The following RAB6A variants were observed in gnomAD, a reference collection of about 807,000 sequenced individuals.
RAB6A encodes the protein RAB6A, member RAS oncogene family.
A neutral mutation model predicts 32.3 loss-of-function variants in RAB6A; 8 were observed. The ratio of observed to expected loss-of-function variants is 0.25; its 90% CI spans 0.15 to 0.45. RAB6A has a LOEUF of 0.45. Among genes scored for constraint, RAB6A ranks in the 20% least tolerant of loss-of-function variants. The probability of loss-of-function intolerance (pLI) is 1.00; values close to 1 mark genes in which losing one functional copy is unlikely to be tolerated. For missense variants in RAB6A, 104 were observed against 249.4 expected (o/e 0.42, Z 3.93); for synonymous variants, 73 against 82.1 (o/e 0.89, Z 0.60).
At chr11:73,697,273 T>C (rs1945669091) in intron 6 of RAB6A, among the ~76,000 whole-genome samples, 1 of 152,168 alleles carries the variant, frequency 6.6e-6, no homozygotes. Flanking sequence ...CAATATATCA[T>C]AATTCCCTTC....
At chr11:73,748,027 C>T (rs1301807476) in intron 1 of RAB6A, among the ~76,000 whole-genome samples, 1 of 152,162 alleles carries the variant, frequency 6.6e-6, no homozygotes, top group Non-Finnish European at 1.5e-5. Context: ...GGGGAAGATA[C>T]TTTGAGATGA....
In RAB6A at chr11:73,747,745, C is replaced by T. The variant is rs1946613628; in HGVS notation, c.70+12821G>A. Among the ~76,000 whole-genome samples, 3 of 152,206 alleles carry T rather than the reference C, an allele frequency of 2.0e-5. No individual in the cohort carries two copies. The South Asian group carries it at 6.2e-4, about 32-fold the overall frequency. ...TTTTCCCTTGTTTTCATGACATGGA[C>T]ACTTTCAAATAATACTTGTCAGTTG... On this transcript the variant is annotated intron_variant, in intron 1 of 7. Coordinates refer to ENST00000336083, the MANE Select transcript of RAB6A (RefSeq NM_198896.2).
At chr11:73,758,593 T>C (rs892041838) in intron 1 of RAB6A, among the ~76,000 whole-genome samples, 21 of 152,190 alleles carry the variant, frequency 1.4e-4, no homozygotes, top group African/African-American at 5.1e-4. Flanking sequence ...CTCTCCATTA[T>C]GCATTAGAAC....
intron 1 of RAB6A, among the ~76,000 whole-genome samples, chr11:73,751,651 G>A (rs545638033): frequency 1.3e-5 from 2 of 152,086 alleles, no homozygotes; most frequent in Non-Finnish European, 2.9e-5. Flanking sequence ...AAAGAAAAAC[G>A]GGGTTTCTGT....
intron 1 of RAB6A, among the ~76,000 whole-genome samples, chr11:73,736,377 C>G (rs1292486985): frequency 6.6e-6 from 1 of 151,606 alleles, no homozygotes; most frequent in Non-Finnish European, 1.5e-5. Context: ...TGCAGTGAGC[C>G]GAGATTGTGC....
intron 2 of RAB6A, 122 bp from the exon 3 acceptor site, chr11:73,721,021 C>T (rs1946126846): frequency 1.5e-6 from 1 of 685,752 alleles, no homozygotes; most frequent in South Asian, 1.8e-5. Context: ...ACAACATAGT[C>T]AATTAAGGAC....
intron 6 of RAB6A, among the ~76,000 whole-genome samples, chr11:73,704,900 G>A (rs1945811536): frequency 6.6e-6 from 1 of 151,818 alleles, no homozygotes; most frequent in African/African-American, 2.4e-5. Flanking sequence ...GGAGGCTGAG[G>A]CAGGAGAATG....
intron 3 of RAB6A, among the ~76,000 whole-genome samples, chr11:73,719,616 ATTT>A (rs768603020): frequency 1.4e-5 from 2 of 143,572 alleles, no homozygotes; most frequent in Non-Finnish European, 3.1e-5. Flanking sequence ...AAGCTTTCAA[ATTT>A]TTTTTTTTTT....
chr11:73,736,977 CAAAA>C (rs535172648), intron 1 of RAB6A, among the ~76,000 whole-genome samples: 1 of 64,948 alleles, frequency 1.5e-5, no homozygotes. Flanking sequence ...GACACTGTCT[CAAAA>C]AAAAAAAAAA....
In RAB6A at chr11:73,730,765, C is replaced by G; in HGVS notation, c.129G>C (p.Gln43His). ...FMYDSFDNTY[Q>H]ATIGIDFLSK... The stretch of plus-strand genomic sequence containing the variant: ...AAATAAATTGGCAAAAACAAAATAC[C>G]TGATAGGTGTTGTCAAAACTGTCAT... Residue 43 changes from glutamine (Q) to histidine (H), a missense_variant and splice_region_variant, in exon 2 of 8, where the codon CAG becomes CAC. Physicochemically the swap from Gln to His is conservative, Grantham distance 24. This residue lies in a region of RAB6A where 48 missense variants were observed against 155.2 expected (regional missense o/e 0.31). Transcript: ENST00000336083. The G allele has an allele frequency of 6.3e-7, 1 of 1,594,778 alleles. No homozygotes were observed. The highest frequency in any genetic ancestry group is 8.5e-7 in the Non-Finnish European group (1 of 1,171,790).
chr11:73,735,847 C>T (rs1028185515), intron 1 of RAB6A, among the ~76,000 whole-genome samples: 6 of 149,490 alleles, frequency 4.0e-5, no homozygotes, highest in East Asian at 2.0e-4. Context: ...TCAAACCTAT[C>T]CCAACCTCAA....
At chr11:73,733,130 C>T (rs949899796) in intron 1 of RAB6A, among the ~76,000 whole-genome samples, 4 of 152,078 alleles carry the variant, frequency 2.6e-5, no homozygotes, top group African/African-American at 9.7e-5. Context: ...TTCTTCATGG[C>T]ATCTGGAAAC....
chr11:73,739,690 T>G (rs1218223017), intron 1 of RAB6A, among the ~76,000 whole-genome samples: 1 of 152,064 alleles, frequency 6.6e-6, no homozygotes, highest in Non-Finnish European at 1.5e-5. Flanking sequence ...AGTGGCAAAG[T>G]AAGTCCTCAC....
chr11:73,698,058 A>G (rs1945682517), intron 6 of RAB6A, among the ~76,000 whole-genome samples: 1 of 151,986 alleles, frequency 6.6e-6, no homozygotes, highest in Admixed American at 6.6e-5. Context: ...CATCTCTACT[A>G]AAAAATACAA....
chr11:73,722,325 ATATATATATATATATATATTTTT>A (rs1482131836), intron 2 of RAB6A: 237 of 17,702 alleles, frequency 0.013, 15 homozygotes, highest in African/African-American at 0.037. Context: ...ATATATATAT[ATATATATATATATATATATTTTT>A]TTTTTTTTTT....
chr11:73,680,876 T>C (rs1342717629), intron 6 of RAB6A, among the ~76,000 whole-genome samples: 1 of 152,180 alleles, frequency 6.6e-6, no homozygotes, highest in Non-Finnish European at 1.5e-5. Context: ...TGAAAAGTTA[T>C]CTTCAACAGG....
intron 6 of RAB6A, among the ~76,000 whole-genome samples, chr11:73,700,403 C>A (rs1324154183): frequency 2.0e-5 from 3 of 152,028 alleles, no homozygotes; most frequent in African/African-American, 7.2e-5. Context: ...GGCAATATAG[C>A]AAGACCCATC....
chr11:73,722,326 TATATATATATATA>T (rs1565364881), intron 2 of RAB6A: 8 of 10,468 alleles, frequency 7.6e-4, no homozygotes, highest in African/African-American at 2.3e-3. Flanking sequence ...TATATATATA[TATATATATATATA>T]TATATTTTTT....
At chr11:73,690,267 A>T (rs530539424) in intron 6 of RAB6A, among the ~76,000 whole-genome samples, 4 of 152,180 alleles carry the variant, frequency 2.6e-5, no homozygotes, top group Non-Finnish European at 5.9e-5. Context: ...TCCTTGGAAT[A>T]CCCTCCCAGT....
Sources: allele counts gnomAD v4.1 joint callset (sites outside exome capture counted in the v4.1 genomes callset), GRCh38; gene constraint gnomAD v4.1.1; regional missense constraint gnomAD v4.1.1; transcripts MANE v1.5; gene names NCBI Gene and HGNC (gene_info 2026-07-23, HGNC 2026-07-21).